Variants in SMOX observed in about 807,000 individuals in gnomAD.
The protein encoded by SMOX is flavin containing amine oxidase.
Under a neutral mutation model 51.0 loss-of-function variants are expected in SMOX, and 22 were observed. The observed-to-expected ratio is 0.43, with a 90% CI of 0.31 to 0.62. The LOEUF is 0.62. Among genes scored for constraint, SMOX ranks in the 20% least tolerant of loss-of-function variants. The pLI is 0.10. For missense variants in SMOX, 566 were observed against 777.7 expected (o/e 0.73, Z 3.24); for synonymous variants, 282 against 307.8 (o/e 0.92, Z 0.88).
In SMOX at chr20:4,182,200, C is replaced by G; in HGVS notation, c.721C>G (p.Arg241Gly). 6.2e-7 allele frequency: 1 copy of G among 1,613,562 alleles called. No individual in the cohort carries two copies. ...CCACATCATCCCCTCGGGCTTCATG[C>G]GGGTTGTGGAGCTGCTGGCGGAGGG... is the stretch of plus-strand genomic sequence containing the variant. ...AHHIIPSGFM[R>G]VVELLAEGIP... Residue 241 changes from arginine to glycine, a missense_variant, in exon 5 of 7, where the codon CGG (arginine) becomes GGG (glycine). By Grantham distance (125) the Arg-to-Gly change is moderately radical. Around this residue, in one of 3 missense-constraint regions of SMOX, gnomAD observed 347 missense variants for 481.8 expected, o/e 0.72. Coordinates refer to ENST00000305958, the MANE Select transcript of SMOX (RefSeq NM_175839.3). This position sits in a 1 kb window ranked among gnomAD's most constrained non-coding sequence, Gnocchi z 8.4.
In SMOX at chr20:4,153,946, A is replaced by G. The variant is rs1985882965; in HGVS notation, c.-27+4969A>G. Among the ~76,000 whole-genome samples, 1 of 152,210 alleles carries G rather than the reference A, an allele frequency of 6.6e-6. No homozygotes were observed. The highest frequency in any genetic ancestry group is 2.4e-5 in the African/African-American group (1 of 41,462). On this transcript the variant is annotated intron_variant, in intron 1 of 6. Coordinates refer to ENST00000305958, the MANE Select transcript of SMOX (RefSeq NM_175839.3). The surrounding 1 kb of genome is among the most constrained non-coding windows in gnomAD (Gnocchi z 4.4). ...TCTCCTGTGCCCCAGCCTGGTGTTC[A>G]GAGCCTTTGGGAACACAGGACACGG...
chr20:4,174,498 G>A (rs1353051204), intron 1 of SMOX, among the ~76,000 whole-genome samples: 1 of 151,928 alleles, frequency 6.6e-6, no homozygotes, highest in African/African-American at 2.4e-5. Context: ...GCAAGTATCC[G>A]GGGTCTGTGT....
chr20:4,155,769 G>A (rs1985993417), intron 1 of SMOX, among the ~76,000 whole-genome samples: 1 of 151,998 alleles, frequency 6.6e-6, no homozygotes. Context: ...GGACACTGGT[G>A]GGTTGAGTCC....
At chr20:4,178,326 T>C (rs1461611615) in intron 3 of SMOX, among the ~76,000 whole-genome samples, 1 of 152,146 alleles carries the variant, frequency 6.6e-6, no homozygotes, top group Non-Finnish European at 1.5e-5. Context: ...CGTGAGCCAC[T>C]GCACCCGGCC....
intron 1 of SMOX, among the ~76,000 whole-genome samples, chr20:4,160,992 GC>G (rs1317205559): frequency 2.0e-5 from 3 of 152,240 alleles, no homozygotes; most frequent in Non-Finnish European, 4.4e-5. Context: ...GTCACGAGGG[GC>G]CGCTGAGGGG....
At position 4,183,173 on chromosome 20, in the gene SMOX, C is replaced by T. The variant is rs570790480; in HGVS notation, c.1370-321C>T. 4 of 564,586 alleles carry T rather than the reference C, an allele frequency of 7.1e-6. No homozygotes were observed. The highest frequency in any genetic ancestry group is 4.7e-4 in the Middle Eastern group (1 of 2,136). 35.0% of individuals were successfully genotyped at this position (564,586 alleles called of 1,614,324 possible). On this transcript the variant is annotated intron_variant, in intron 5 of 6. Transcript: ENST00000305958. This position sits in a 1 kb window ranked among gnomAD's most constrained non-coding sequence, Gnocchi z 4.3. Reference sequence around the variant, plus strand: ...TTACTCTCTGAGTCTTTCAGCTCAACATTTTTCACCCACTATTCCAGGAGG... The same window carrying T: ...TTACTCTCTGAGTCTTTCAGCTCAATATTTTTCACCCACTATTCCAGGAGG...
intron 1 of SMOX, among the ~76,000 whole-genome samples, chr20:4,151,658 A>AT (rs1466173944): frequency 6.6e-6 from 1 of 151,718 alleles, no homozygotes; most frequent in Non-Finnish European, 1.5e-5. Flanking sequence ...TCTCCTTCTT[A>AT]TTTTTAAGGT....
chr20:4,159,101 T>C (rs1741306), intron 1 of SMOX, among the ~76,000 whole-genome samples: 111,688 of 151,816 alleles, frequency 0.74, 41,369 homozygotes, highest in East Asian at 0.84. Context: ...CAAGGAAAGA[T>C]AATGAACTTG....
intron 1 of SMOX, among the ~76,000 whole-genome samples, chr20:4,168,620 G>A (rs373546121): frequency 3.2e-4 from 49 of 150,996 alleles, no homozygotes; most frequent in African/African-American, 1.1e-3. Flanking sequence ...GCAGTGGCGC[G>A]ATCTCGACTC....
intron 3 of SMOX, among the ~76,000 whole-genome samples, chr20:4,178,968 C>T (rs1979113805): frequency 6.6e-6 from 1 of 152,142 alleles, no homozygotes; most frequent in African/African-American, 2.4e-5. Flanking sequence ...CAAGCGTGAG[C>T]CACCTCGCCC....
chr20:4,172,597 G>A lies in SMOX; in HGVS notation c.-26-2433G>A, dbSNP rs1978491653. Among the ~76,000 whole-genome samples the A allele has an allele frequency of 6.6e-6, 1 of 152,056 alleles. No individual in the cohort carries two copies. Among genetic ancestry groups the A allele is most frequent in the Non-Finnish European group, 1.5e-5 (1 of 68,002 alleles). On this transcript the variant is annotated intron_variant, in intron 1 of 6. Transcript: ENST00000305958. This position sits in a 1 kb window ranked among gnomAD's most constrained non-coding sequence, Gnocchi z 7.7. ...AAAGGGCCGGAGCCGCCCTGCTCCC[G>A]GCGTGGCCTCATCCCCAGCGAAAGC...
chr20:4,157,982 C>G (rs13038292), intron 1 of SMOX, among the ~76,000 whole-genome samples: 7,424 of 151,980 alleles, frequency 0.049, 407 homozygotes, highest in East Asian at 0.31. Context: ...CTCACTGCAA[C>G]CTCCGCCTCC....
rs1463173136 is a variant in SMOX, at chr20:4,177,968, C to T, written c.435+391C>T. The stretch of plus-strand genomic sequence containing the variant: ...GACCTTCGCTCTGCAGTGTGGTAGT[C>T]ACTAGCCACATTTGGCTCTTGAGCA... On this transcript the variant is annotated intron_variant, in intron 3 of 6. Coordinates refer to ENST00000305958, the MANE Select transcript of SMOX (RefSeq NM_175839.3). The surrounding 1 kb of genome is among the most constrained non-coding windows in gnomAD (Gnocchi z 4.3). Among the ~76,000 whole-genome samples, 2 of 152,172 alleles carry T rather than the reference C, an allele frequency of 1.3e-5. No individual in the cohort carries two copies. Among genetic ancestry groups the T allele is most frequent in the Non-Finnish European group, 2.9e-5 (2 of 68,038 alleles).
chr20:4,178,770 G>T (rs924931719), intron 3 of SMOX, among the ~76,000 whole-genome samples: 1 of 150,050 alleles, frequency 6.7e-6, no homozygotes, highest in Non-Finnish European at 1.5e-5. Flanking sequence ...CGCAACCTCC[G>T]CCTCCCAGGT....
rs1978920432 is a variant in SMOX, at chr20:4,177,116, C to T, written c.209-235C>T. On this transcript the variant is annotated intron_variant, in intron 2 of 6. Transcript: ENST00000305958. The surrounding 1 kb of genome is among the most constrained non-coding windows in gnomAD (Gnocchi z 4.3). ...AGCCTTCTAACTGGTCCAGTAAGGC[C>T]ACTCTGGGACAAATCACAGAGTCAT... is the stretch of plus-strand genomic sequence containing the variant. 6.6e-6 allele frequency among the ~76,000 whole-genome samples: 1 copy of T among 152,160 alleles called. No individual in the cohort carries two copies.
chr20:4,154,386 C>CTTTCTTTTTTT (rs143539233), intron 1 of SMOX, among the ~76,000 whole-genome samples: 1 of 149,956 alleles, frequency 6.7e-6, no homozygotes, highest in East Asian at 2.0e-4. Context: ...TTCTTTCTTT[C>CTTTCTTTTTTT]TTTTTTTGAG....
chr20:4,159,071 T>G lies in SMOX; in HGVS notation c.-27+10094T>G, dbSNP rs187947577. Among the ~76,000 whole-genome samples, 11 of 152,258 alleles carry G rather than the reference T, an allele frequency of 7.2e-5. No homozygotes were observed. The East Asian group carries it at 2.1e-3, about 29-fold the overall frequency. On this transcript the variant is annotated intron_variant, in intron 1 of 6. Transcript: ENST00000305958. ...ACCTTGAGAGTTAATCTGAAAAGGT[T>G]TGGAGTTTAAAAAGTAACTCAAGGA...
In SMOX at chr20:4,177,631, CTG is replaced by C. The variant is rs1240846061; in HGVS notation, c.435+57_435+58del. 9.9e-6 allele frequency: 15 copies of C among 1,507,886 alleles called. No homozygotes were observed. The highest frequency in any genetic ancestry group is 1.4e-5 in the African/African-American group (1 of 72,468). The allele number at this position is 1,507,886 out of a possible 1,614,324, so 93.4% of individuals were successfully genotyped here. The stretch of plus-strand genomic sequence containing the variant: ...AAGGGCATGGGGAGACCTGGGAGGT[CTG>C]TGATTCTGGTCGTGTCTCTGCACAC... On this transcript the variant is annotated intron_variant, in intron 3 of 6. Transcript: ENST00000305958. The surrounding 1 kb of genome is among the most constrained non-coding windows in gnomAD (Gnocchi z 4.3).
intron 1 of SMOX, among the ~76,000 whole-genome samples, chr20:4,160,777 C>G (rs891561689): frequency 1.3e-5 from 2 of 152,210 alleles, no homozygotes; most frequent in Non-Finnish European, 2.9e-5. Context: ...AGGCCCGTCT[C>G]CACCTTCAGG....
Sources: allele counts gnomAD v4.1 joint callset (sites outside exome capture counted in the v4.1 genomes callset), GRCh38; gene constraint gnomAD v4.1.1; regional missense constraint gnomAD v4.1.1; non-coding constraint Gnocchi (gnomAD v3.1); transcripts MANE v1.5; gene names NCBI Gene and HGNC (gene_info 2026-07-23, HGNC 2026-07-21).